The following HNF4G variants were observed in gnomAD, a reference collection of about 807,000 sequenced individuals.
The protein encoded by HNF4G is hepatocyte nuclear factor 4-gamma.
HNF4G carries 21 observed loss-of-function variants against 50.9 expected under a neutral mutation model. The ratio of observed to expected loss-of-function variants is 0.41; its 90% confidence interval spans 0.29 to 0.59. HNF4G has a LOEUF of 0.59. Among genes scored for constraint, HNF4G ranks in the 20% least tolerant of loss-of-function variants. HNF4G has a pLI of 0.26. For missense variants in HNF4G, 527 were observed against 559.4 expected (o/e 0.94, Z 0.58); for synonymous variants, 198 against 185.6 (o/e 1.07, Z -0.54).
At chr8:75,412,091 G>A (rs1810515802) in intron 1 of HNF4G, among the ~76,000 whole-genome samples, 1 of 152,134 alleles carries the variant, frequency 6.6e-6, no homozygotes, top group South Asian at 2.1e-4. Context: ...TATACACAAA[G>A]TACTTATAAC....
At chr8:75,551,625 G>C (rs1032646397) in intron 4 of HNF4G, 131 bp downstream of exon 4, 2 of 537,752 alleles carry the variant, frequency 3.7e-6, no homozygotes, top group African/African-American at 3.8e-5. Flanking sequence ...ACACAATTAA[G>C]AGTTTTACTT....
chr8:75,499,471 A>G (rs534005949), intron 2 of HNF4G, among the ~76,000 whole-genome samples: 2 of 152,176 alleles, frequency 1.3e-5, no homozygotes, highest in South Asian at 4.1e-4. Flanking sequence ...TGATTTACAT[A>G]TTTAACATAG....
At chr8:75,447,491 A>G (rs2130565655) in intron 1 of HNF4G, among the ~76,000 whole-genome samples, 1 of 143,662 alleles carries the variant, frequency 7.0e-6, no homozygotes, top group South Asian at 2.3e-4. Flanking sequence ...CAGAGTGAAC[A>G]GGCAACCTAC....
At chr8:75,484,066 A>G (rs932067461) in intron 1 of HNF4G, among the ~76,000 whole-genome samples, 1 of 152,172 alleles carries the variant, frequency 6.6e-6, no homozygotes, top group Non-Finnish European at 1.5e-5. Flanking sequence ...TCAGAACGTA[A>G]ATTTTTATTG....
chr8:75,419,333 C>A (rs566985230), intron 1 of HNF4G, among the ~76,000 whole-genome samples: 29 of 152,248 alleles, frequency 1.9e-4, no homozygotes, highest in African/African-American at 5.5e-4. Flanking sequence ...TATGTATCAC[C>A]TTAATTTATA....
Position 75,486,487 on chromosome 8 carries a change from AG to A in HNF4G, c.-143-3601del, listed in dbSNP as rs1256820253. 2.0e-5 allele frequency among the ~76,000 whole-genome samples: 3 copies of A among 152,200 alleles called. No individual in the cohort carries two copies. In the East Asian group the frequency reaches 5.8e-4, roughly 29 times the overall value. On this transcript the variant is annotated intron_variant, in intron 1 of 10. Transcript: ENST00000354370. ...AAAGTAGTAAGCTAAGCCCTTAGGAAGAAAATAAGATACCTATAAACAATAG... is the reference window on the plus strand; with the variant it reads ...AAAGTAGTAAGCTAAGCCCTTAGGAAAAAATAAGATACCTATAAACAATAG...
At chr8:75,456,922 A>G (rs1046471591) in intron 1 of HNF4G, among the ~76,000 whole-genome samples, 1 of 151,896 alleles carries the variant, frequency 6.6e-6, no homozygotes, top group Non-Finnish European at 1.5e-5. Flanking sequence ...AAAAAAAATT[A>G]TTTGTAGAGA....
intron 1 of HNF4G, among the ~76,000 whole-genome samples, chr8:75,454,491 A>C (rs1022252388): frequency 6.6e-6 from 1 of 152,152 alleles, no homozygotes; most frequent in Non-Finnish European, 1.5e-5. Context: ...ACAGTAGTCC[A>C]CTTGTTGCCT....
At chr8:75,514,855 A>G (rs1805850183) in intron 2 of HNF4G, among the ~76,000 whole-genome samples, 1 of 151,728 alleles carries the variant, frequency 6.6e-6, no homozygotes, top group Non-Finnish European at 1.5e-5. Flanking sequence ...ATATTGATTA[A>G]CCTTCTCTTT....
chr8:75,408,117 C>G (rs1810407414), exon 1 of HNF4G: 1 of 152,798 alleles, frequency 6.5e-6, no homozygotes, highest in South Asian at 2.1e-4. Context: ...AAGCAGATAC[C>G]CCGAGGCCTC....
At chr8:75,517,637 TG>T (rs1235741714) in intron 2 of HNF4G, among the ~76,000 whole-genome samples, 2 of 152,158 alleles carry the variant, frequency 1.3e-5, no homozygotes, top group African/African-American at 2.4e-5. Flanking sequence ...ATACAAGAGG[TG>T]GGTTTCCCAT....
At chr8:75,554,249 G>A (rs537364424) in intron 5 of HNF4G, among the ~76,000 whole-genome samples, 12 of 152,120 alleles carry the variant, frequency 7.9e-5, no homozygotes, top group Non-Finnish European at 1.5e-4. Context: ...CTCACCCCAA[G>A]CAATATAAGT....
intron 4 of HNF4G, among the ~76,000 whole-genome samples, chr8:75,552,217 A>G (rs1249581516): frequency 1.3e-5 from 2 of 152,138 alleles, no homozygotes; most frequent in Non-Finnish European, 2.9e-5. Context: ...TGATAACACA[A>G]GGGTAATATG....
At chr8:75,453,152 C>G (rs547719516) in intron 1 of HNF4G, among the ~76,000 whole-genome samples, 1 of 152,326 alleles carries the variant, frequency 6.6e-6, no homozygotes, top group Non-Finnish European at 1.5e-5. Flanking sequence ...TGTGCTGTTC[C>G]TTGCCAGAAG....
intron 2 of HNF4G, among the ~76,000 whole-genome samples, chr8:75,494,508 C>G (rs954928397): frequency 6.6e-6 from 1 of 152,070 alleles, no homozygotes. Context: ...GAGAATTCTG[C>G]TCCAGACTAA....
intron 1 of HNF4G, among the ~76,000 whole-genome samples, chr8:75,479,996 A>G (rs990342289): frequency 6.7e-6 from 1 of 149,854 alleles, no homozygotes. Flanking sequence ...TTTTTTTTTG[A>G]TGTTATAGAA....
At chr8:75,485,037 G>T (rs1032730383) in intron 1 of HNF4G, among the ~76,000 whole-genome samples, 1 of 152,122 alleles carries the variant, frequency 6.6e-6, no homozygotes, top group Non-Finnish European at 1.5e-5. Flanking sequence ...ATGTAACTAA[G>T]ATAACTATAT....
At chr8:75,493,029 A>G (rs1812671544) in intron 2 of HNF4G, among the ~76,000 whole-genome samples, 1 of 152,042 alleles carries the variant, frequency 6.6e-6, no homozygotes, top group Admixed American at 6.6e-5. Context: ...ATATATATAT[A>G]TATATACACT....
chr8:75,547,414 G>A (rs991712866), intron 2 of HNF4G, among the ~76,000 whole-genome samples, 173 bp from the exon 3 acceptor site: 12 of 152,210 alleles, frequency 7.9e-5, no homozygotes, highest in Admixed American at 5.2e-4. Context: ...GGTGAGGCTC[G>A]CGTTTTCACG....
Sources: allele counts gnomAD v4.1 joint callset (sites outside exome capture counted in the v4.1 genomes callset), GRCh38; gene constraint gnomAD v4.1.1; transcripts MANE v1.5; gene names NCBI Gene and HGNC (gene_info 2026-07-23, HGNC 2026-07-21).